Variants in GPHN observed in about 807,000 individuals in gnomAD.
GPHN encodes the protein gephyrin.
A neutral mutation model predicts 95.5 loss-of-function variants in GPHN; 17 were observed. The ratio of observed to expected loss-of-function variants is 0.18; its 90% CI spans 0.12 to 0.27. The LOEUF (loss-of-function observed/expected upper bound fraction) is 0.27. Among genes scored for constraint, GPHN ranks in the 10% least tolerant of loss-of-function variants. GPHN has a pLI of 1.00. For missense variants in GPHN, 660 were observed against 978.1 expected (o/e 0.67, Z 4.34); for synonymous variants, 320 against 322.5 (o/e 0.99, Z 0.08).
intron 12 of GPHN, among the ~76,000 whole-genome samples, chr14:67,094,397 A>G (rs1595104822): frequency 1.3e-5 from 2 of 152,164 alleles, no homozygotes; most frequent in East Asian, 3.9e-4. Flanking sequence ...GGTTTGGTTT[A>G]TATTGCTTTT....
chr14:67,225,017 G>A, the GPHN span: 5 of 992,138 alleles, frequency 5.0e-6, no homozygotes, highest in Non-Finnish European at 7.3e-6. Flanking sequence ...TTCTCCTTCT[G>A]TGCCTTTTTT....
At chr14:67,199,144 T>C in the GPHN span, 7 of 1,523,366 alleles carry the variant, frequency 4.6e-6, no homozygotes, top group Admixed American at 3.3e-5. Flanking sequence ...AGTGAACCGC[T>C]ACTGTGGGAA....
chr14:67,108,014 C>A (rs1424290926), intron 13 of GPHN, among the ~76,000 whole-genome samples: 1 of 152,102 alleles, frequency 6.6e-6, no homozygotes, highest in Admixed American at 6.5e-5. Context: ...CATAACAGAG[C>A]AATATGTCTG....
intron 10 of GPHN, among the ~76,000 whole-genome samples, chr14:67,044,917 G>A (rs1484732450): frequency 6.6e-6 from 1 of 151,512 alleles, no homozygotes; most frequent in East Asian, 2.0e-4. Flanking sequence ...ATAAGCTCAG[G>A]TAGATCTAAT....
chr14:66,833,062 T>A (rs571995638), intron 4 of GPHN, among the ~76,000 whole-genome samples: 1 of 152,100 alleles, frequency 6.6e-6, no homozygotes, highest in Non-Finnish European at 1.5e-5. Context: ...GCTAGAGAGG[T>A]ACCAAATACA....
rs192249614 is a variant in GPHN at position 66,701,103 on chromosome 14, C to T, written c.143+19918C>T. ...CTGTTACAGAGGTTATCTGTGCATGCGCACATGTGCACACACACAAATGTG... is the reference window on the plus strand; with the variant it reads ...CTGTTACAGAGGTTATCTGTGCATGTGCACATGTGCACACACACAAATGTG... On this transcript the variant is annotated intron_variant, in intron 2 of 22. Transcript: ENST00000478722. Among the ~76,000 whole-genome samples the T allele has an allele frequency of 4.4e-4, 67 of 152,234 alleles. 1 individual carries two copies. The highest frequency in any genetic ancestry group is 1.5e-3 in the African/African-American group (61 of 41,554).
chr14:67,440,687 G>A, the GPHN span, among the ~76,000 whole-genome samples: 1 of 151,970 alleles, frequency 6.6e-6, no homozygotes, highest in Non-Finnish European at 1.5e-5. Context: ...GGGAGCCAAA[G>A]GTTGCAGTGA....
the GPHN span, among the ~76,000 whole-genome samples, chr14:67,718,314 G>C: frequency 6.6e-6 from 1 of 152,224 alleles, no homozygotes; most frequent in Non-Finnish European, 1.5e-5. Flanking sequence ...AGGAGGAAGG[G>C]AGGAAGAGAA....
chr14:67,513,138 T>C, the GPHN span, among the ~76,000 whole-genome samples: 1 of 152,212 alleles, frequency 6.6e-6, no homozygotes, highest in Non-Finnish European at 1.5e-5. Flanking sequence ...ATTTCCCATC[T>C]TAAGGTCAGT....
chr14:66,756,097 T>C (rs2058546203), intron 2 of GPHN, among the ~76,000 whole-genome samples: 1 of 152,216 alleles, frequency 6.6e-6, no homozygotes, highest in Non-Finnish European at 1.5e-5. Flanking sequence ...GGGCACATGG[T>C]AGAAGTTGCT....
intron 2 of GPHN, among the ~76,000 whole-genome samples, chr14:66,763,154 C>A (rs925653273): frequency 1.3e-5 from 2 of 151,184 alleles, no homozygotes; most frequent in Non-Finnish European, 2.9e-5. Flanking sequence ...AACTGCAGTT[C>A]AAAAATATTT....
At chr14:67,291,748 G>C in the GPHN span, among the ~76,000 whole-genome samples, 1 of 152,170 alleles carries the variant, frequency 6.6e-6, no homozygotes, top group African/African-American at 2.4e-5. Flanking sequence ...CAAAAGAAGT[G>C]CCTGGTAATT....
chr14:67,534,902 T>G, the GPHN span, among the ~76,000 whole-genome samples: 1 of 152,224 alleles, frequency 6.6e-6, no homozygotes, highest in Non-Finnish European at 1.5e-5. Flanking sequence ...TATGAAATGG[T>G]GTACATCATT....
chr14:67,580,213 C>T, the GPHN span: 15 of 223,714 alleles, frequency 6.7e-5, no homozygotes, highest in African/African-American at 3.2e-4. Flanking sequence ...CAGAGGCTCA[C>T]AGCTGTGTGC....
chr14:66,764,963 T>C (rs1304525838), intron 2 of GPHN, among the ~76,000 whole-genome samples: 3 of 152,156 alleles, frequency 2.0e-5, no homozygotes, highest in African/African-American at 7.2e-5. Context: ...CTTAGTTGCT[T>C]TAAATGATTT....
chr14:67,338,424 G>A, the GPHN span: 2 of 568,950 alleles, frequency 3.5e-6, no homozygotes, highest in African/African-American at 1.9e-5. Context: ...AGGTTTTACA[G>A]ATCTCTTTCA....
intron 2 of GPHN, among the ~76,000 whole-genome samples, chr14:66,768,888 AGTC>A (rs759423393): frequency 4.2e-4 from 64 of 152,010 alleles, no homozygotes; most frequent in Non-Finnish European, 8.4e-4. Flanking sequence ...ATAATTGACT[AGTC>A]GTCTAGATTT....
At chr14:67,503,799 G>A in the GPHN span, among the ~76,000 whole-genome samples, 109,233 of 150,490 alleles carry the variant, frequency 0.73, 41,401 homozygotes, top group Non-Finnish European at 0.85. Context: ...CACCTCCTGG[G>A]TTCAAGCAAT....
the GPHN span, chr14:67,338,132 C>T: frequency 0.024 from 3,687 of 153,084 alleles, 71 homozygotes; most frequent in Non-Finnish European, 0.036. Flanking sequence ...GAATGGCTCC[C>T]ATGACAGACA....
Sources: allele counts gnomAD v4.1 joint callset (sites outside exome capture counted in the v4.1 genomes callset), GRCh38; gene constraint gnomAD v4.1.1; transcripts MANE v1.5; gene names NCBI Gene and HGNC (gene_info 2026-07-23, HGNC 2026-07-21).